Variants in LRRC34 observed in about 807,000 individuals in gnomAD.
The protein encoded by LRRC34 is leucine-rich repeat-containing protein 34.
A neutral mutation model predicts 48.5 loss-of-function variants in LRRC34; 44 were observed. That is an observed-to-expected ratio of 0.91 (90% CI 0.71 to 1.17). The LOEUF (loss-of-function observed/expected upper bound fraction) is 1.17, where lower values mean the gene tolerates loss of function less well. LRRC34 is among the 50% of genes most tolerant of loss of function. The pLI is 0.00. For synonymous variants in LRRC34, 192 were observed against 197.6 expected, an observed-to-expected ratio of 0.97 and a Z score of 0.24; for missense variants, 502 against 563.0, an observed-to-expected ratio of 0.89 and a Z score of 1.10.
At chr3:169,802,346 C>T (rs1779222439) in intron 6 of LRRC34, among the ~76,000 whole-genome samples, 1 of 152,120 alleles carries the variant, frequency 6.6e-6, no homozygotes, top group African/African-American at 2.4e-5. Flanking sequence ...TGGTGCTCTG[C>T]CTGGAAGGTT....
Position 169,807,602 on chromosome 3 carries a change from C to A in LRRC34, c.365G>T (p.Cys122Phe), listed in dbSNP as rs746895981. The A allele has an allele frequency of 6.2e-7, 1 of 1,609,024 alleles. No individual in the cohort carries two copies. ...TGGAAACATACCATTAATATACAGA[C>A]AATTCTTTAAAATTTTGGAAAGAAT... ...FWILSKILKN[C>F]LYINGLDVGY... The change falls in exon 3 of 11, where the codon TGT becomes TTT. Residue 122 changes from cysteine to phenylalanine, a missense_variant. By Grantham distance (205) the Cys-to-Phe change is radical. Coordinates refer to ENST00000446859, the MANE Select transcript of LRRC34 (RefSeq NM_001172779.2).
At chr3:169,809,391 T>G (rs1033975769) in intron 1 of LRRC34, among the ~76,000 whole-genome samples, 5 of 152,166 alleles carry the variant, frequency 3.3e-5, no homozygotes, top group Non-Finnish European at 7.3e-5. Context: ...TGTCATTTCT[T>G]CATACCAAAT....
chr3:169,807,363 T>C, intron 4 of LRRC34, 63 bp downstream of exon 4: 1 of 1,432,554 alleles, frequency 7.0e-7, no homozygotes, highest in South Asian at 1.1e-5. Flanking sequence ...TTTATGTGTG[T>C]GTCATTAGAC....
In LRRC34 at chr3:169,812,570, A is replaced by G. The variant is rs575371549; in HGVS notation, c.-22T>C. The G allele has an allele frequency of 2.3e-5, 34 of 1,463,004 alleles. 1 individual carries two copies. The Admixed American group carries it at 8.2e-4, about 35-fold the overall frequency. 90.6% of individuals were successfully genotyped at this position (1,463,004 alleles called of 1,614,324 possible). On this transcript the variant is annotated 5_prime_UTR_variant, in exon 1 of 11. Coordinates refer to ENST00000446859, the MANE Select transcript of LRRC34 (RefSeq NM_001172779.2). This position sits in a 1 kb window ranked among gnomAD's most constrained non-coding sequence, Gnocchi z 4.3. ...CCATGGCGACCGCGCGCGCACTTAC[A>G]GTCCGCCTGCAGCTGTGAGGCGGCT...
rs552544840 is a variant in LRRC34, at chr3:169,793,089, G to A, written c.*546C>T. 6.6e-6 allele frequency among the ~76,000 whole-genome samples: 1 copy of A among 152,334 alleles called. No homozygotes were observed. Among genetic ancestry groups the A allele is most frequent in the South Asian group, 2.1e-4 (1 of 4,824 alleles). Reference sequence around the variant, plus strand: ...GGTTAGAAGTCAGGATAGTGGTTATGAGAGGAGAGTGGGAGAGCTGGCAGC... The same window carrying A: ...GGTTAGAAGTCAGGATAGTGGTTATAAGAGGAGAGTGGGAGAGCTGGCAGC... On this transcript the variant is annotated 3_prime_UTR_variant, in exon 11 of 11. Coordinates refer to ENST00000446859, the MANE Select transcript of LRRC34 (RefSeq NM_001172779.2).
chr3:169,805,216 CTG>C lies in LRRC34; in HGVS notation c.529-1037_529-1036del, dbSNP rs533358861. 5.6e-3 allele frequency among the ~76,000 whole-genome samples: 845 copies of C among 152,252 alleles called. 8 individuals carry two copies. The highest frequency in any genetic ancestry group is 0.019 in the African/African-American group (805 of 41,530). ...TACAAATTGGAAATGAAGTGAAACT[CTG>C]TATGTGACACCATCTTGCATAGGGA... On this transcript the variant is annotated intron_variant, in intron 5 of 10. Transcript: ENST00000446859.
chr3:169,805,240 G>A (rs35221505), intron 5 of LRRC34, among the ~76,000 whole-genome samples: 2,512 of 152,166 alleles, frequency 0.017, 30 homozygotes, highest in Middle Eastern at 0.034. Flanking sequence ...ATCTTGCATA[G>A]GGAAAATCCT....
rs1317470530 is a variant in LRRC34, at chr3:169,796,261, T to C, written c.1017A>G (p.Ala339=). The C allele has an allele frequency of 6.2e-7, 1 of 1,612,732 alleles. No individual in the cohort carries two copies. Among genetic ancestry groups the C allele is most frequent in the South Asian group, 1.1e-5 (1 of 90,886 alleles). The part of the protein sequence containing the change: ...LSFNRIENAG[A]NYLSETLTSH... ...AAGTAAGAGTTTCACTGAGATAGTT[T>C]GCGCCTGCATTTTCTATTCTGTTAA... Residue 339 remains alanine (A), a synonymous_variant, in exon 9 of 11, where the codon GCA becomes GCG. Transcript: ENST00000446859.
rs778822247 is a variant in LRRC34 at position 169,812,360 on chromosome 3, C to A, written c.139+50G>T. 20 of 1,487,398 alleles carry A rather than the reference C, an allele frequency of 1.3e-5. No individual in the cohort carries two copies. The highest frequency in any genetic ancestry group is 1.7e-5 in the Non-Finnish European group (19 of 1,125,986). The allele number at this position is 1,487,398 out of a possible 1,614,324, so 92.1% of individuals were successfully genotyped here. A position where few individuals can be genotyped will look rare whatever the true frequency, so the allele number is the denominator to read the frequency against. On this transcript the variant is annotated intron_variant, in intron 1 of 10. Coordinates refer to ENST00000446859, the MANE Select transcript of LRRC34 (RefSeq NM_001172779.2). The surrounding 1 kb of genome is among the most constrained non-coding windows in gnomAD (Gnocchi z 4.3). ...CCTGCCGTGCGACCCCGGCGCCCCT[C>A]GCGCGTTTTGTCTGGGCCAGGCCGC...
rs1381232136 is a variant in LRRC34 at position 169,796,863 on chromosome 3, CT to C, written c.789del (p.Glu264LysfsTer15). The C allele has an allele frequency of 3.1e-6, 5 of 1,607,150 alleles. No homozygotes were observed. Among genetic ancestry groups the C allele is most frequent in the Non-Finnish European group, 1.7e-6 (2 of 1,176,972 alleles). ...TGTAGTGCAACAAGACAGTGATTTT[CT>C]TTCAACATGCGGCCTACATGGACTG... ...ESTVHVGRMLKENHCLVALHM... is the reference protein window; with the variant it reads ...ESTVHVGRMLXENHCLVALHM... On this transcript the variant is annotated frameshift_variant, in exon 8 of 11. Coordinates refer to ENST00000446859, the MANE Select transcript of LRRC34 (RefSeq NM_001172779.2). LOFTEE classifies it high-confidence loss of function.
Position 169,807,439 on chromosome 3 carries a change from G to C in LRRC34, c.431C>G (p.Ala144Gly), listed in dbSNP as rs376613227. Residue 144 changes from alanine to glycine, a missense_variant, in exon 4 of 11, where the codon GCG (alanine) becomes GGG (glycine). By Grantham distance (60) the Ala-to-Gly change is moderately conservative (BLOSUM62 0). Coordinates refer to ENST00000446859, the MANE Select transcript of LRRC34 (RefSeq NM_001172779.2). ...GTAAAATAATACCTGAAGCAGTTTCGCAGCATAGTATGCACCAACATCACA... is the reference window on the plus strand; with the variant it reads ...GTAAAATAATACCTGAAGCAGTTTCCCAGCATAGTATGCACCAACATCACA... ...LLCDVGAYYA[A>G]KLLQKQLNLI... 1.9e-6 allele frequency: 3 copies of C among 1,613,632 alleles called. No individual in the cohort carries two copies. Among genetic ancestry groups the C allele is most frequent in the Non-Finnish European group, 1.7e-6 (2 of 1,179,836 alleles).
intron 2 of LRRC34, 102 bp downstream of exon 2, chr3:169,808,526 A>C: frequency 1.5e-6 from 1 of 672,534 alleles, no homozygotes; most frequent in Non-Finnish European, 2.6e-6. Flanking sequence ...CATTTTACCA[A>C]GCATTTTCAA....
intron 6 of LRRC34, among the ~76,000 whole-genome samples, chr3:169,803,756 A>T (rs1779274362): frequency 6.6e-6 from 1 of 152,234 alleles, no homozygotes; most frequent in Admixed American, 6.5e-5. Flanking sequence ...GTAAAAAATT[A>T]TATGAATAAA....
chr3:169,804,519 C>T (rs1287840962), intron 5 of LRRC34, among the ~76,000 whole-genome samples: 4 of 152,114 alleles, frequency 2.6e-5, no homozygotes, highest in Non-Finnish European at 5.9e-5. Context: ...AGGATGGTCT[C>T]GATCTGACCT....
chr3:169,801,762 C>T (rs1779199722), intron 6 of LRRC34, among the ~76,000 whole-genome samples: 2 of 152,146 alleles, frequency 1.3e-5, no homozygotes, highest in African/African-American at 2.4e-5. Context: ...GTACCTCCCT[C>T]GTGATTTTTG....
chr3:169,812,484 C>T lies in LRRC34; in HGVS notation c.65G>A (p.Arg22His). ...RSMGSSREAA[R>H]APARSPAWAS... The stretch of plus-strand genomic sequence containing the variant: ...CCAAGCCGGGGACCTGGCCGGCGCA[C>T]GGGCGGCCTCCCGGGAGCTCCCCAT... Residue 22 changes from arginine (R) to histidine (H), a missense_variant, in exon 1 of 11, where the codon CGT becomes CAT. Physicochemically the swap from Arg to His is conservative, Grantham distance 29. Coordinates refer to ENST00000446859, the MANE Select transcript of LRRC34 (RefSeq NM_001172779.2). The surrounding 1 kb of genome is among the most constrained non-coding windows in gnomAD (Gnocchi z 4.3). The T allele has an allele frequency of 1.3e-6, 2 of 1,528,218 alleles. No homozygotes were observed. The highest frequency in any genetic ancestry group is 1.2e-5 in the South Asian group (1 of 83,412). 94.7% of individuals were successfully genotyped at this position (1,528,218 alleles called of 1,614,324 possible).
intron 7 of LRRC34, among the ~76,000 whole-genome samples, chr3:169,799,896 A>G (rs34656091): frequency 1.9e-3 from 284 of 152,184 alleles, no homozygotes; most frequent in Non-Finnish European, 3.0e-3. Context: ...TACTTTTAGT[A>G]GAGACTGGAT....
At chr3:169,811,265 T>C (rs1779558157) in intron 1 of LRRC34, among the ~76,000 whole-genome samples, 1 of 152,154 alleles carries the variant, frequency 6.6e-6, no homozygotes, top group African/African-American at 2.4e-5. Context: ...GGCACAGAAA[T>C]GTGTCAGACT....
chr3:169,804,143 G>A lies in LRRC34; in HGVS notation c.567C>T (p.Asn189=). 3 of 1,601,600 alleles carry A rather than the reference G, an allele frequency of 1.9e-6. No individual in the cohort carries two copies. Among genetic ancestry groups the A allele is most frequent in the Non-Finnish European group, 2.6e-6 (3 of 1,173,732 alleles). Residue 189 remains asparagine, a synonymous_variant, in exon 6 of 11, where the codon AAC becomes AAT. Transcript: ENST00000446859. ...RTLKYLRMTG[N]KIENKGGMFF... The stretch of plus-strand genomic sequence containing the variant: ...ACATTCCACCTTTATTTTCAATTTT[G>A]TTTCCAGTCATTCTTAGGTATTTCA...
Sources: gnomAD v4.1 joint callset for allele counts (sites outside exome capture counted in the v4.1 genomes callset) on GRCh38, gnomAD v4.1.1 for gene constraint, Gnocchi (gnomAD v3.1) non-coding constraint, MANE v1.5 for transcripts, NCBI Gene and HGNC (gene_info 2026-07-23, HGNC 2026-07-21) for gene names.